Variants in SUPT3H observed in about 807,000 individuals in gnomAD.
SUPT3H encodes the protein transcription initiation protein SPT3 homolog.
In SUPT3H, 44 loss-of-function variants were observed where a neutral mutation model predicts 44.3. That is an observed-to-expected ratio of 0.99 (90% CI 0.78 to 1.28). SUPT3H has a LOEUF of 1.28. Ranked by LOEUF, SUPT3H falls within the 50% of genes most tolerant of loss-of-function variation. The pLI, the probability that SUPT3H is intolerant of heterozygous loss-of-function variation, is 0.00. For missense variants in SUPT3H, 380 were observed against 387.1 expected, an observed-to-expected ratio of 0.98 and a Z score of 0.15; for synonymous variants, 124 against 125.6, an observed-to-expected ratio of 0.99 and a Z score of 0.09.
chr6:44,904,690 A>C (rs147646870), intron 10 of SUPT3H, among the ~76,000 whole-genome samples: 1 of 152,310 alleles, frequency 6.6e-6, no homozygotes, highest in East Asian at 1.9e-4. Flanking sequence ...ATATGGAACC[A>C]AAAAAGAGCT....
At chr6:45,337,074 A>C (rs1223283867) in intron 2 of SUPT3H, among the ~76,000 whole-genome samples, 1 of 151,738 alleles carries the variant, frequency 6.6e-6, no homozygotes, top group Middle Eastern at 3.2e-3. Flanking sequence ...TAATATAGTG[A>C]GAAGCCAACC....
At chr6:45,372,721 C>T (rs1196051078) in intron 1 of SUPT3H, among the ~76,000 whole-genome samples, 3 of 152,118 alleles carry the variant, frequency 2.0e-5, no homozygotes, top group Admixed American at 6.5e-5. Context: ...TACAGTGGCA[C>T]AATCTCAGCT....
rs947883762 is a variant in SUPT3H at position 45,065,644 on chromosome 6, C to G, written c.186+40278G>C. The stretch of plus-strand genomic sequence containing the variant: ...AAAGGGGATATCACCACCGATCCCA[C>G]AGAAATACAAACTACCATCAGATAA... On this transcript the variant is annotated intron_variant, in intron 3 of 10. Transcript: ENST00000371459. 4.6e-3 allele frequency among the ~76,000 whole-genome samples: 702 copies of G among 151,126 alleles called. 16 individuals are homozygous for G. The highest frequency in any genetic ancestry group is 0.016 in the African/African-American group (656 of 40,960).
At chr6:45,307,493 T>C (rs1217800191) in intron 2 of SUPT3H, among the ~76,000 whole-genome samples, 2 of 152,218 alleles carry the variant, frequency 1.3e-5, no homozygotes, top group Non-Finnish European at 2.9e-5. Flanking sequence ...CCGCTGCTGA[T>C]ACCCAGGCAA....
intron 2 of SUPT3H, among the ~76,000 whole-genome samples, chr6:45,345,978 C>G (rs1270375699): frequency 1.3e-5 from 2 of 152,138 alleles, no homozygotes; most frequent in African/African-American, 4.8e-5. Flanking sequence ...ATATTCCCTA[C>G]CTATCCTCAC....
intron 2 of SUPT3H, among the ~76,000 whole-genome samples, chr6:45,224,993 A>C (rs1012181383): frequency 6.6e-6 from 1 of 151,968 alleles, no homozygotes; most frequent in Non-Finnish European, 1.5e-5. Context: ...AAAAATATAC[A>C]ATCTGCCAGG....
At chr6:44,842,003 A>G (rs1288521825) in intron 10 of SUPT3H, among the ~76,000 whole-genome samples, 1 of 152,166 alleles carries the variant, frequency 6.6e-6, no homozygotes, top group African/African-American at 2.4e-5. Flanking sequence ...ATAAGGCAGG[A>G]TGAGGTGACA....
intron 3 of SUPT3H, among the ~76,000 whole-genome samples, chr6:45,048,827 T>C (rs1233609750): frequency 6.6e-6 from 1 of 151,984 alleles, no homozygotes; most frequent in Non-Finnish European, 1.5e-5. Context: ...ATGTGGAATC[T>C]AAAACGTTTG....
intron 10 of SUPT3H, among the ~76,000 whole-genome samples, chr6:44,856,362 A>C (rs1401460692): frequency 6.6e-6 from 1 of 152,216 alleles, no homozygotes; most frequent in Non-Finnish European, 1.5e-5. Context: ...TCACACATGT[A>C]AACCATTATG....
At chr6:45,282,302 G>A (rs997095072) in intron 2 of SUPT3H, among the ~76,000 whole-genome samples, 1 of 147,768 alleles carries the variant, frequency 6.8e-6, no homozygotes. Flanking sequence ...GCTAAAGGAG[G>A]TTCGAACGCT....
intron 2 of SUPT3H, among the ~76,000 whole-genome samples, chr6:45,181,385 T>G (rs1263160877): frequency 6.6e-6 from 1 of 151,950 alleles, no homozygotes; most frequent in Non-Finnish European, 1.5e-5. Flanking sequence ...CAAAGGACTA[T>G]AAATCATGCT....
At chr6:44,994,641 A>G (rs1781039258) in intron 6 of SUPT3H, among the ~76,000 whole-genome samples, 1 of 152,104 alleles carries the variant, frequency 6.6e-6, no homozygotes, top group Admixed American at 6.6e-5. Context: ...TTGTGACCCA[A>G]GCCTTTTTAA....
chr6:44,860,073 T>G (rs183418823), intron 10 of SUPT3H, among the ~76,000 whole-genome samples: 363 of 152,248 alleles, frequency 2.4e-3, no homozygotes, highest in African/African-American at 8.1e-3. Flanking sequence ...TAAGCACAGC[T>G]CTTCATAAAC....
rs867819961 is a variant in SUPT3H at position 44,963,023 on chromosome 6, A to C, written c.505-1195T>G. 5.3e-5 allele frequency among the ~76,000 whole-genome samples: 8 copies of C among 151,908 alleles called. No individual in the cohort carries two copies. In the South Asian group the frequency reaches 1.7e-3, roughly 32 times the overall value. ...TCAAGTATACTTTTTGGGCATATACAAACATTTTATATATATACACATATA... is the reference window on the plus strand; with the variant it reads ...TCAAGTATACTTTTTGGGCATATACCAACATTTTATATATATACACATATA... On this transcript the variant is annotated intron_variant, in intron 6 of 10. Coordinates refer to ENST00000371459, the MANE Select transcript of SUPT3H (RefSeq NM_003599.4).
chr6:45,152,357 A>G (rs994866167), intron 2 of SUPT3H, among the ~76,000 whole-genome samples: 1 of 152,144 alleles, frequency 6.6e-6, no homozygotes, highest in Admixed American at 6.6e-5. Context: ...CAATTTTCAC[A>G]TCTCCAACTG....
chr6:45,164,672 C>A lies in SUPT3H; in HGVS notation c.102-58666G>T, dbSNP rs73738623. 7.2e-3 allele frequency among the ~76,000 whole-genome samples: 1,096 copies of A among 152,164 alleles called. 18 individuals carry two copies. Among genetic ancestry groups the A allele is most frequent in the African/African-American group, 0.025 (1,044 of 41,520 alleles). On this transcript the variant is annotated intron_variant, in intron 2 of 10. Transcript: ENST00000371459. ...GTTCCCCTAAGGTCAGAGAAGACAA[C>A]CATGTATACCAGAAAGTCTGAGGAG... is the stretch of plus-strand genomic sequence containing the variant.
intron 2 of SUPT3H, among the ~76,000 whole-genome samples, chr6:45,234,323 G>A (rs1450554475): frequency 2.0e-5 from 3 of 151,994 alleles, no homozygotes; most frequent in Non-Finnish European, 4.4e-5. Context: ...CTGAGGTTAG[G>A]AGTTTGAGAC....
chr6:45,283,037 A>T (rs923595186), intron 2 of SUPT3H, among the ~76,000 whole-genome samples: 1 of 152,198 alleles, frequency 6.6e-6, no homozygotes, highest in Non-Finnish European at 1.5e-5. Context: ...GCAAATGCTG[A>T]GAGATTTTGT....
chr6:44,811,193 T>TA (rs1412557794), intron 11 of SUPT3H, among the ~76,000 whole-genome samples: 14 of 152,032 alleles, frequency 9.2e-5, no homozygotes, highest in Non-Finnish European at 1.5e-4. Context: ...TTGGCTATGA[T>TA]AGTTTCTCAG....
Sources: allele counts gnomAD v4.1 joint callset (sites outside exome capture counted in the v4.1 genomes callset), GRCh38; gene constraint gnomAD v4.1.1; transcripts MANE v1.5; gene names NCBI Gene and HGNC (gene_info 2026-07-23, HGNC 2026-07-21).